ZNF225: variants seen among roughly 807,000 people sequenced by gnomAD.
ZNF225 encodes zinc finger protein 225.
A neutral mutation model predicts 12.0 loss-of-function variants in ZNF225; 6 were observed. The ratio of observed to expected loss-of-function variants is 0.50; its 90% CI spans 0.27 to 0.98. The LOEUF (loss-of-function observed/expected upper bound fraction) is 0.98. Among genes scored for constraint, ZNF225 ranks in the 50% least tolerant of loss-of-function variants. The pLI, the probability that ZNF225 is intolerant of heterozygous loss-of-function variation, is 0.11. For synonymous variants in ZNF225, 271 were observed against 283.2 expected (o/e 0.96, Z 0.43); for missense variants, 763 against 848.2 (o/e 0.90, Z 1.25).
intron 3 of ZNF225, 76 bp from the exon 4 acceptor site, chr19:44,118,406 A>C: frequency 6.2e-7 from 1 of 1,610,910 alleles, no homozygotes; most frequent in Non-Finnish European, 8.5e-7. Flanking sequence ...TTGGGAACCT[A>C]AGTTTCCAGT....
At chr19:44,119,877 A>G (rs1031110004) in intron 4 of ZNF225, among the ~76,000 whole-genome samples, 3 of 152,110 alleles carry the variant, frequency 2.0e-5, no homozygotes, top group African/African-American at 7.2e-5. Flanking sequence ...AAGCATATTC[A>G]AGTCTCTGTT....
chr19:44,111,435 AAAACAAAAAAC>A (rs1404921868), upstream of ZNF225, among the ~76,000 whole-genome samples: 4 of 152,374 alleles, frequency 2.6e-5, no homozygotes, highest in South Asian at 2.1e-4. Flanking sequence ...ACTCCCTCTC[AAAACAAAAAAC>A]AAACAAAAAA....
chr19:44,133,081 A>G lies in ZNF225; in HGVS notation c.*346A>G, dbSNP rs561712798. On this transcript the variant is annotated 3_prime_UTR_variant, in exon 5 of 5. Coordinates refer to ENST00000262894, the MANE Select transcript of ZNF225 (RefSeq NM_013362.4). The stretch of plus-strand genomic sequence containing the variant: ...TTTGAGCTTCCACATATGTGTGAGA[A>G]CATGTGGTATGTATCTTTCTGTGCC... 4.9e-5 allele frequency: 9 copies of G among 182,732 alleles called. No homozygotes were observed. In the East Asian group the frequency reaches 1.3e-3, roughly 26 times the overall value. 11.3% of individuals were successfully genotyped at this position (182,732 alleles called of 1,614,324 possible).
upstream of ZNF225, chr19:44,113,220 G>T: frequency 6.6e-6 from 1 of 152,602 alleles, no homozygotes. Context: ...CGGTCAGCTT[G>T]GCTCCGGCAG....
upstream of ZNF225, chr19:44,112,928 T>C (rs1469036715): frequency 6.6e-6 from 1 of 152,224 alleles, no homozygotes; most frequent in Non-Finnish European, 1.5e-5. Context: ...CAGAAATTCC[T>C]GTCTATTCAG....
intron 4 of ZNF225, chr19:44,129,335 A>G (rs557877557): frequency 1.6e-4 from 53 of 328,914 alleles, no homozygotes; most frequent in Non-Finnish European, 2.3e-4. Flanking sequence ...CATGTTCCAT[A>G]TTCTTAAAAT....
At chr19:44,118,907 C>G (rs995979237) in intron 4 of ZNF225, among the ~76,000 whole-genome samples, 1 of 151,698 alleles carries the variant, frequency 6.6e-6, no homozygotes. Context: ...AGCTCCGCTT[C>G]CCGGGTTCAC....
At chr19:44,125,806 C>A (rs71362676) in intron 4 of ZNF225, among the ~76,000 whole-genome samples, 2 of 152,090 alleles carry the variant, frequency 1.3e-5, no homozygotes, top group Non-Finnish European at 2.9e-5. Context: ...GAATTTCTTT[C>A]TTCTACTTGT....
chr19:44,112,182 T>A (rs966728308), upstream of ZNF225: 2 of 152,198 alleles, frequency 1.3e-5, no homozygotes, highest in Non-Finnish European at 2.9e-5. Flanking sequence ...AATCTTCTTA[T>A]GCAAATAGGC....
rs750040720 is a variant in ZNF225, at chr19:44,131,307, A to G, written c.693A>G (p.Pro231=). 3 of 1,614,208 alleles carry G rather than the reference A, an allele frequency of 1.9e-6. No homozygotes were observed. The highest frequency in any genetic ancestry group is 1.7e-5 in the Admixed American group (1 of 60,034). ...AGAGAATCCACACTGGAGAGAAACC[A>G]TTCAAATGTGAGCAGTGTGGGAAAG... The part of the protein sequence containing the change: ...IHQRIHTGEK[P]FKCEQCGKGF... Residue 231 remains proline (P), a synonymous_variant, in exon 5 of 5, where the codon CCA becomes CCG. Coordinates refer to ENST00000262894, the MANE Select transcript of ZNF225 (RefSeq NM_013362.4).
intron 4 of ZNF225, among the ~76,000 whole-genome samples, chr19:44,123,883 A>C (rs944179721): frequency 1.3e-5 from 2 of 151,806 alleles, no homozygotes; most frequent in South Asian, 4.2e-4. Flanking sequence ...TTTCTCGCTT[A>C]TTTTCTTGGG....
rs963189032 is a variant in ZNF225, at chr19:44,131,523, T to G, written c.909T>G (p.Leu303=). The G allele has an allele frequency of 1.9e-6, 3 of 1,614,050 alleles. No homozygotes were observed. The highest frequency in any genetic ancestry group is 2.7e-5 in the African/African-American group (2 of 74,938). The change falls in exon 5 of 5, where the codon CTT becomes CTG. Residue 303 remains leucine (L), a synonymous_variant. Coordinates refer to ENST00000262894, the MANE Select transcript of ZNF225 (RefSeq NM_013362.4). ...AGAGCTTCCGTAGTAGAGCAAATCT[T>G]AATAGGCATTCCATGGTTCACATGC... The part of the protein sequence containing the change: ...CCKSFRSRAN[L]NRHSMVHMRE...
At chr19:44,123,554 G>T (rs146505365) in intron 4 of ZNF225, among the ~76,000 whole-genome samples, 1 of 152,026 alleles carries the variant, frequency 6.6e-6, no homozygotes, top group African/African-American at 2.4e-5. Context: ...GTGAAATAGC[G>T]TCAAAAGAAT....
intron 2 of ZNF225, among the ~76,000 whole-genome samples, chr19:44,116,878 T>C (rs181594600): frequency 5.1e-4 from 77 of 152,338 alleles, no homozygotes; most frequent in African/African-American, 1.7e-3. Context: ...CCTGATATTA[T>C]ATGATCACAA....
rs1297966747 is a variant in ZNF225 at position 44,131,339 on chromosome 19, G to A, written c.725G>A (p.Ser242Asn). ...TGTGAGCAGTGTGGGAAAGGCTTTAGTCGTAGATCAGGACTTTATGTTCAT... is the reference window on the plus strand; with the variant it reads ...TGTGAGCAGTGTGGGAAAGGCTTTAATCGTAGATCAGGACTTTATGTTCAT... ...FKCEQCGKGF[S>N]RRSGLYVHRK... Residue 242 changes from serine to asparagine, a missense_variant, in exon 5 of 5, where the codon AGT becomes AAT. Physicochemically the swap from Ser to Asn is conservative, Grantham distance 46 (BLOSUM62 1). Transcript: ENST00000262894. 1 of 1,614,132 alleles carries A rather than the reference G, an allele frequency of 6.2e-7. No homozygotes were observed. Among genetic ancestry groups the A allele is most frequent in the Admixed American group, 1.7e-5 (1 of 60,026 alleles).
chr19:44,119,065 C>T (rs1040356179), intron 4 of ZNF225, among the ~76,000 whole-genome samples: 1 of 152,222 alleles, frequency 6.6e-6, no homozygotes, highest in South Asian at 2.1e-4. Context: ...ATCCGCCCGC[C>T]TTGGCCTCCC....
intron 2 of ZNF225, among the ~76,000 whole-genome samples, chr19:44,117,607 T>C (rs948028239): frequency 6.6e-5 from 10 of 152,202 alleles, no homozygotes; most frequent in African/African-American, 1.9e-4. Context: ...CAGGGTTACT[T>C]ACAAGGAGAC....
rs1968260891 is a variant in ZNF225, at chr19:44,131,609, A to C, written c.995A>C (p.Asn332Thr). ...AGCTTTGGTCTGAAATCAGCACTTA[A>C]TAGTCATCGCATGGTCCACACAGGA... is the stretch of plus-strand genomic sequence containing the variant. ...GKSFGLKSAL[N>T]SHRMVHTGEK... is the part of the protein sequence containing the mutation. The change falls in exon 5 of 5, where the codon AAT becomes ACT. Residue 332 changes from asparagine to threonine, a missense_variant. Coordinates refer to ENST00000262894, the MANE Select transcript of ZNF225 (RefSeq NM_013362.4). 6.2e-7 allele frequency: 1 copy of C among 1,614,204 alleles called. No homozygotes were observed.
At position 44,113,559 on chromosome 19, in the gene ZNF225, G is replaced by C. The variant is rs1036330947; in HGVS notation, c.-79G>C. 1 of 152,200 alleles carries C rather than the reference G, an allele frequency of 6.6e-6. No individual in the cohort carries two copies. Among genetic ancestry groups the C allele is most frequent in the Admixed American group, 6.5e-5 (1 of 15,276 alleles). The allele number at this position is 152,200 out of a possible 1,614,324, so 9.4% of individuals were successfully genotyped here. On this transcript the variant is annotated 5_prime_UTR_variant, in exon 1 of 5. Transcript: ENST00000262894. ...GAATTAGGGGAAAAGAAACCTCGTC[G>C]GAGAGCAGAGGTTTGGCGGAGCGGG...
Sources: allele counts gnomAD v4.1 joint callset (sites outside exome capture counted in the v4.1 genomes callset), GRCh38; gene constraint gnomAD v4.1.1; transcripts MANE v1.5; gene names NCBI Gene and HGNC (gene_info 2026-07-23, HGNC 2026-07-21).